ATP2B2: variants seen among roughly 807,000 people sequenced by gnomAD.
ATP2B2 encodes the protein ATPase plasma membrane Ca2+ transporting 2, also known as plasma membrane calcium-transporting ATPase 2.
Under a neutral mutation model 120.0 loss-of-function variants are expected in ATP2B2, and 15 were observed. The observed-to-expected ratio is 0.12, with a 90% CI of 0.08 to 0.19. ATP2B2 has a LOEUF of 0.19. Among genes scored for constraint, ATP2B2 ranks in the 10% least tolerant of loss-of-function variants. ATP2B2 has a pLI of 1.00. For synonymous variants in ATP2B2, 694 were observed against 700.3 expected (o/e 0.99, Z 0.14); for missense variants, 1,045 against 1,719.8 (o/e 0.61, Z 6.94).
chr3:10,476,398 T>G (rs2065204401), intron 1 of ATP2B2, among the ~76,000 whole-genome samples: 1 of 152,186 alleles, frequency 6.6e-6, no homozygotes, highest in African/African-American at 2.4e-5. Flanking sequence ...CCAAGTCAAC[T>G]CTCTGCTTTT....
chr3:10,345,596 G>A, intron 17 of ATP2B2, 21 bp from the exon 18 acceptor site: 1 of 1,611,828 alleles, frequency 6.2e-7, no homozygotes, highest in Non-Finnish European at 8.5e-7. Flanking sequence ...AGGGACAGGA[G>A]GCTGGGTGGG....
At chr3:10,383,459 C>G (rs962653821) in intron 8 of ATP2B2, among the ~76,000 whole-genome samples, 2 of 152,184 alleles carry the variant, frequency 1.3e-5, no homozygotes, top group Non-Finnish European at 2.9e-5. Flanking sequence ...ACATCTTTGA[C>G]CACAGAATCC....
chr3:10,337,121 G>A (rs1260701634), intron 22 of ATP2B2, among the ~76,000 whole-genome samples: 9 of 152,344 alleles, frequency 5.9e-5, no homozygotes, highest in Admixed American at 3.9e-4. Context: ...AGTAGAAGGG[G>A]CCATCTCCTG....
At chr3:10,692,025 C>T (rs1032370883) in intron 1 of ATP2B2, among the ~76,000 whole-genome samples, 1 of 152,196 alleles carries the variant, frequency 6.6e-6, no homozygotes, top group Non-Finnish European at 1.5e-5. Flanking sequence ...AATTTGAACT[C>T]ATGAGATTCC....
At chr3:10,506,348 G>A (rs189073465), upstream of ATP2B2, among the ~76,000 whole-genome samples, 124 of 152,244 alleles carry the variant, frequency 8.1e-4, 1 homozygote, top group East Asian at 0.017. Context: ...CCACCAGCAG[G>A]GGTGTCTGCA....
rs542419058 is a variant in ATP2B2, at chr3:10,532,054, C to T, written c.-320+1985G>A. On this transcript the variant is annotated intron_variant, in intron 3 of 21. Coordinates refer to the ATP2B2 transcript ENST00000646379. ...CTTTCTGATGTGCCCCTCACCCCCC[C>T]ATCCTCTCCTGGCTTTGGAAGGATG... Among the ~76,000 whole-genome samples, 19 of 152,042 alleles carry T rather than the reference C, an allele frequency of 1.2e-4. No individual in the cohort carries two copies. In the East Asian group the frequency reaches 3.3e-3, roughly 26 times the overall value.
At position 10,342,976 on chromosome 3, in the gene ATP2B2, G is replaced by A; in HGVS notation, c.2704-11C>T. 1.2e-6 allele frequency: 2 copies of A among 1,613,004 alleles called. No individual in the cohort carries two copies. Among genetic ancestry groups the A allele is most frequent in the Non-Finnish European group, 1.7e-6 (2 of 1,179,422 alleles). On this transcript the variant is annotated splice_polypyrimidine_tract_variant and intron_variant, in intron 18 of 22. Coordinates refer to ENST00000360273, the MANE Select transcript of ATP2B2 (RefSeq NM_001001331.4). This position sits in a 1 kb window ranked among gnomAD's most constrained non-coding sequence, Gnocchi z 4.4. Reference sequence around the variant, plus strand: ...CTTCAGAGGGGAGTCCTGGGGACGGGCAGGAGAGGGCTGTCACCTGTGCGC... The same window carrying A: ...CTTCAGAGGGGAGTCCTGGGGACGGACAGGAGAGGGCTGTCACCTGTGCGC...
intron 2 of ATP2B2, among the ~76,000 whole-genome samples, chr3:10,567,311 CAG>C (rs1218323961): frequency 5.9e-5 from 9 of 152,248 alleles, no homozygotes; most frequent in Admixed American, 5.9e-4. Context: ...TCTATGACCT[CAG>C]GGAATTCTGC....
chr3:10,397,053 G>A (rs2062062144), intron 5 of ATP2B2, among the ~76,000 whole-genome samples: 1 of 152,210 alleles, frequency 6.6e-6, no homozygotes, highest in Non-Finnish European at 1.5e-5. Context: ...CCAGGGAAAT[G>A]GGCTCAGAGA....
intron 2 of ATP2B2, among the ~76,000 whole-genome samples, chr3:10,594,757 T>C (rs1481050396): frequency 2.7e-5 from 4 of 149,848 alleles, no homozygotes; most frequent in Non-Finnish European, 4.5e-5. Context: ...AACACGTCTA[T>C]TTAATTAGCA....
chr3:10,385,781 C>T (rs2061659995), intron 7 of ATP2B2, among the ~76,000 whole-genome samples: 2 of 152,212 alleles, frequency 1.3e-5, no homozygotes, highest in Admixed American at 1.3e-4. Flanking sequence ...CATCTCTGTG[C>T]ATCAGGGTGT....
chr3:10,421,197 C>T (rs371284147), intron 2 of ATP2B2, among the ~76,000 whole-genome samples: 3 of 152,178 alleles, frequency 2.0e-5, no homozygotes, highest in South Asian at 2.1e-4. Context: ...CAGGTGCTTT[C>T]GGCACAGCAT....
Position 10,327,937 on chromosome 3 carries a change from CT to C in ATP2B2, c.*876del, listed in dbSNP as rs2059887349. 1 of 152,620 alleles carries C rather than the reference CT, an allele frequency of 6.6e-6. No individual in the cohort carries two copies. The highest frequency in any genetic ancestry group is 2.1e-4 in the South Asian group (1 of 4,820). 9.5% of individuals were successfully genotyped at this position (152,620 alleles called of 1,614,324 possible). ...CAGGGGAAGTGTCTGTTGGGCCGAG[CT>C]GTTTTTATAGCATCTCAGCCACCAG... On this transcript the variant is annotated 3_prime_UTR_variant, in exon 23 of 23. Coordinates refer to ENST00000360273, the MANE Select transcript of ATP2B2 (RefSeq NM_001001331.4).
rs764543689 is a variant in ATP2B2 at position 10,375,567 on chromosome 3, G to A, written c.1279C>T (p.Pro427Ser). ...ACGGGCGTGCACTCAGGCAGCCACGGCTTCTTGTTGACCACGAAGGTGTCC... is the reference window on the plus strand; with the variant it reads ...ACGGGCGTGCACTCAGGCAGCCACGACTTCTTGTTGACCACGAAGGTGTCC... ...TVDTFVVNKK[P>S]WLPECTPVYV... Residue 427 changes from proline to serine, a missense_variant, in exon 11 of 23, where the codon CCG (proline) becomes TCG (serine). Pro to Ser is a moderately conservative substitution (Grantham distance 74). Coordinates refer to ENST00000360273, the MANE Select transcript of ATP2B2 (RefSeq NM_001001331.4). The surrounding 1 kb of genome is among the most constrained non-coding windows in gnomAD (Gnocchi z 4.2). 1 of 1,613,784 alleles carries A rather than the reference G, an allele frequency of 6.2e-7. No homozygotes were observed. The highest frequency in any genetic ancestry group is 8.5e-7 in the Non-Finnish European group (1 of 1,180,040).
intron 2 of ATP2B2, among the ~76,000 whole-genome samples, chr3:10,610,818 G>T (rs1353783459): frequency 6.6e-6 from 1 of 152,106 alleles, no homozygotes; most frequent in East Asian, 1.9e-4. Flanking sequence ...GGTCTCTCTG[G>T]GTCTCGGTCT....
rs965500142 is a variant in ATP2B2, at chr3:10,449,742, C to T, written c.-199G>A. 3 of 673,764 alleles carry T rather than the reference C, an allele frequency of 4.5e-6. No homozygotes were observed. Among genetic ancestry groups the T allele is most frequent in the African/African-American group, 3.5e-5 (2 of 56,368 alleles). The allele number at this position is 673,764 out of a possible 1,614,324, so 41.7% of individuals were successfully genotyped here. A position where few individuals can be genotyped will look rare whatever the true frequency, so the allele number is the denominator to read the frequency against. ...GGTGGTGAGCTCCAAGAGGTGTCCT[C>T]CGGTGTGGGACGAGGTCCAGGGGCC... On this transcript the variant is annotated 5_prime_UTR_variant, in exon 2 of 23. Coordinates refer to ENST00000360273, the MANE Select transcript of ATP2B2 (RefSeq NM_001001331.4).
At chr3:10,496,987 G>A (rs1004315671) in intron 1 of ATP2B2, among the ~76,000 whole-genome samples, 1 of 152,256 alleles carries the variant, frequency 6.6e-6, no homozygotes, top group Non-Finnish European at 1.5e-5. Context: ...TGTCAACTCT[G>A]CAGAAGCCAC....
At chr3:10,383,854 T>C (rs2061597817) in intron 8 of ATP2B2, among the ~76,000 whole-genome samples, 1 of 152,228 alleles carries the variant, frequency 6.6e-6, no homozygotes, top group Non-Finnish European at 1.5e-5. Flanking sequence ...AGCTGCCCTT[T>C]TTTCTGAGAC....
At chr3:10,589,035 A>C (rs919036518) in intron 2 of ATP2B2, among the ~76,000 whole-genome samples, 3 of 152,120 alleles carry the variant, frequency 2.0e-5, no homozygotes, top group Admixed American at 1.3e-4. Context: ...CAAGAAGGGG[A>C]CAAAGTTCAC....
Sources: allele counts gnomAD v4.1 joint callset (sites outside exome capture counted in the v4.1 genomes callset), GRCh38; gene constraint gnomAD v4.1.1; non-coding constraint Gnocchi (gnomAD v3.1); transcripts MANE v1.5; gene names NCBI Gene and HGNC (gene_info 2026-07-23, HGNC 2026-07-21).